PPFIBP1: variants seen among roughly 807,000 people sequenced by gnomAD.
PPFIBP1 encodes the protein PPFIB scaffold protein 1, also known as liprin-beta-1.
Under a neutral mutation model 137.8 loss-of-function variants are expected in PPFIBP1, and 112 were observed. That is an observed-to-expected ratio of 0.81 (90% CI 0.70 to 0.95). The LOEUF (loss-of-function observed/expected upper bound fraction) is 0.95. Among genes scored for constraint, PPFIBP1 ranks in the 40% least tolerant of loss-of-function variants. The probability of loss-of-function intolerance (pLI) is 0.00; values close to 1 mark genes in which losing one functional copy is unlikely to be tolerated. For missense variants in PPFIBP1, 1,083 were observed against 1,196.6 expected (o/e 0.91, Z 1.40); for synonymous variants, 378 against 417.3 (o/e 0.91, Z 1.15).
intron 2 of PPFIBP1, among the ~76,000 whole-genome samples, chr12:27,627,214 T>A (rs2056894060): frequency 6.6e-6 from 1 of 152,236 alleles, no homozygotes; most frequent in Non-Finnish European, 1.5e-5. Flanking sequence ...TAAGATAGTT[T>A]CTCTTTGCTG....
At chr12:27,561,686 G>C (rs2049174777) in intron 1 of PPFIBP1, among the ~76,000 whole-genome samples, 1 of 152,050 alleles carries the variant, frequency 6.6e-6, no homozygotes, top group African/African-American at 2.4e-5. Flanking sequence ...TCCAGCCACA[G>C]CTGCCTGCTT....
intron 2 of PPFIBP1, among the ~76,000 whole-genome samples, chr12:27,590,919 T>G (rs1482781826): frequency 6.6e-6 from 1 of 152,100 alleles, no homozygotes; most frequent in Non-Finnish European, 1.5e-5. Flanking sequence ...AGGGAAGCAG[T>G]TAGAAGTTGG....
intron 1 of PPFIBP1, among the ~76,000 whole-genome samples, chr12:27,543,367 C>T (rs746500414): frequency 1.3e-4 from 20 of 151,924 alleles, no homozygotes; most frequent in Non-Finnish European, 2.6e-4. Context: ...TTTTTTTATC[C>T]CTGCTACCAT....
intron 1 of PPFIBP1, among the ~76,000 whole-genome samples, chr12:27,541,216 A>G (rs142621974): frequency 2.6e-5 from 4 of 152,042 alleles, no homozygotes; most frequent in African/African-American, 9.7e-5. Flanking sequence ...GGCACCCACT[A>G]TGTATCATGG....
chr12:27,626,853 A>G (rs1302710987), intron 2 of PPFIBP1, among the ~76,000 whole-genome samples: 1 of 152,178 alleles, frequency 6.6e-6, no homozygotes, highest in African/African-American at 2.4e-5. Flanking sequence ...GGCGTGAGCC[A>G]CCATGTCTGG....
chr12:27,687,243 G>A, intron 24 of PPFIBP1, 142 bp from the exon 25 acceptor site: 1 of 946,556 alleles, frequency 1.1e-6, no homozygotes, highest in Non-Finnish European at 1.5e-6. Flanking sequence ...GTTCCAAATG[G>A]GAAAGTGGGT....
intron 2 of PPFIBP1, among the ~76,000 whole-genome samples, chr12:27,630,305 A>G (rs1206790821): frequency 2.6e-5 from 4 of 151,990 alleles, no homozygotes; most frequent in African/African-American, 4.8e-5. Flanking sequence ...TGCTTCATGT[A>G]TTTGGAAGCT....
rs115275992 is a variant in PPFIBP1, at chr12:27,577,661, T to C, written c.-123-491T>C. Among the ~76,000 whole-genome samples, 407 of 152,298 alleles carry C rather than the reference T, an allele frequency of 2.7e-3. 1 individual carries two copies. The highest frequency in any genetic ancestry group is 9.0e-3 in the African/African-American group (375 of 41,578). ...ATTCAAGAGATAAGAGAATCAAAAATGCAAGTCTGAAAAATAGTGTATGTA... is the reference window on the plus strand; with the variant it reads ...ATTCAAGAGATAAGAGAATCAAAAACGCAAGTCTGAAAAATAGTGTATGTA... On this transcript the variant is annotated intron_variant, in intron 1 of 29. Transcript: ENST00000228425.
At chr12:27,556,718 G>T (rs2048730976) in intron 1 of PPFIBP1, among the ~76,000 whole-genome samples, 1 of 152,194 alleles carries the variant, frequency 6.6e-6, no homozygotes, top group Admixed American at 6.5e-5. Context: ...CAAGCGTTCA[G>T]CAGGAGAGAG....
At chr12:27,611,785 G>GCTCTCTCTCT (rs10549025) in intron 2 of PPFIBP1, among the ~76,000 whole-genome samples, 3 of 138,030 alleles carry the variant, frequency 2.2e-5, no homozygotes, top group African/African-American at 8.5e-5. Context: ...TCAACACTGT[G>GCTCTCTCTCT]CTCTCTCTCT....
At chr12:27,550,264 G>A (rs903708913) in intron 1 of PPFIBP1, among the ~76,000 whole-genome samples, 4 of 152,136 alleles carry the variant, frequency 2.6e-5, no homozygotes, top group African/African-American at 9.7e-5. Flanking sequence ...GCAGATCCTC[G>A]TGAAGGGCTC....
chr12:27,633,323 T>G (rs1282989467), intron 2 of PPFIBP1, 39 bp from the exon 3 acceptor site: 4 of 1,378,820 alleles, frequency 2.9e-6, no homozygotes, highest in Middle Eastern at 3.6e-4. Context: ...CAAGCCTATG[T>G]CATTTAATGG....
intron 27 of PPFIBP1, among the ~76,000 whole-genome samples, chr12:27,691,347 A>G (rs915691396): frequency 1.3e-5 from 2 of 151,954 alleles, no homozygotes; most frequent in African/African-American, 4.8e-5. Context: ...AGGCTGAGGC[A>G]GGAGGATCCC....
intron 2 of PPFIBP1, among the ~76,000 whole-genome samples, chr12:27,602,144 G>A (rs1229492033): frequency 6.6e-6 from 1 of 152,268 alleles, no homozygotes; most frequent in East Asian, 1.9e-4. Flanking sequence ...AGAAGCAGAT[G>A]GGACAATATT....
chr12:27,638,084 T>G (rs201597199), intron 4 of PPFIBP1, among the ~76,000 whole-genome samples: 4,024 of 152,194 alleles, frequency 0.026, 413 homozygotes, highest in Admixed American at 0.19. Context: ...TAATACTTAC[T>G]GCACATAGAA....
intron 2 of PPFIBP1, among the ~76,000 whole-genome samples, chr12:27,588,378 G>A (rs184008742): frequency 3.3e-4 from 50 of 152,278 alleles, no homozygotes; most frequent in African/African-American, 1.0e-3. Context: ...GTTGCTGGTT[G>A]CAATATGGTA....
rs937037227 is a variant in PPFIBP1 at position 27,673,961 on chromosome 12, G to A, written c.1380+134G>A. 13 of 854,254 alleles carry A rather than the reference G, an allele frequency of 1.5e-5. No homozygotes were observed. In the South Asian group the frequency reaches 2.1e-4, roughly 14 times the overall value. 52.9% of individuals were successfully genotyped at this position (854,254 alleles called of 1,614,324 possible). A position where few individuals can be genotyped will look rare whatever the true frequency, so the allele number is the denominator to read the frequency against. On this transcript the variant is annotated intron_variant, in intron 16 of 29. Coordinates refer to ENST00000228425, the MANE Select transcript of PPFIBP1 (RefSeq NM_003622.4). ...GGTTTTTAGTGGAAAATTATTAGAT[G>A]TTAGGTTTAACAGTAAATATTAAGA...
chr12:27,647,468 A>G (rs529593223), intron 5 of PPFIBP1, among the ~76,000 whole-genome samples: 1 of 152,350 alleles, frequency 6.6e-6, no homozygotes, highest in Non-Finnish European at 1.5e-5. Flanking sequence ...AAATGGTTGA[A>G]GTAGCTTTAA....
chr12:27,542,154 A>T (rs1430649579), intron 1 of PPFIBP1, among the ~76,000 whole-genome samples: 1 of 152,236 alleles, frequency 6.6e-6, no homozygotes, highest in Non-Finnish European at 1.5e-5. Context: ...AAAATATTTG[A>T]AAAAACAAAA....
Sources: gnomAD v4.1 joint callset for allele counts (sites outside exome capture counted in the v4.1 genomes callset) on GRCh38, gnomAD v4.1.1 for gene constraint, MANE v1.5 for transcripts, NCBI Gene and HGNC (gene_info 2026-07-23, HGNC 2026-07-21) for gene names.